Variants in DDX18 observed in about 807,000 individuals in gnomAD.
The protein encoded by DDX18 is ATP-dependent RNA helicase DDX18.
A neutral mutation model predicts 73.5 loss-of-function variants in DDX18; 23 were observed. That is an observed-to-expected ratio of 0.31 (90% CI 0.23 to 0.44). The LOEUF (loss-of-function observed/expected upper bound fraction) is 0.44, where lower values mean the gene tolerates loss of function less well. Among genes scored for constraint, DDX18 ranks in the 20% least tolerant of loss-of-function variants. The probability of loss-of-function intolerance (pLI) is 1.00; values close to 1 mark genes in which losing one functional copy is unlikely to be tolerated. For missense variants in DDX18, 753 were observed against 792.9 expected, an observed-to-expected ratio of 0.95 and a Z score of 0.60; for synonymous variants, 268 against 282.7, an observed-to-expected ratio of 0.95 and a Z score of 0.52.
At chr2:117,824,445 G>A (rs747435416) in intron 7 of DDX18, 124 bp from the exon 8 acceptor site, 7 of 922,432 alleles carry the variant, frequency 7.6e-6, no homozygotes, top group Non-Finnish European at 1.0e-5. Flanking sequence ...TGTAATATTT[G>A]TAGATTCTGT....
At position 117,819,674 on chromosome 2, in the gene DDX18, CAA is replaced by C. The variant is rs1679813072; in HGVS notation, c.398_399del (p.Lys133ArgfsTer4). 1 of 1,582,744 alleles carries C rather than the reference CAA, an allele frequency of 6.3e-7. No homozygotes were observed. Among genetic ancestry groups the C allele is most frequent in the Non-Finnish European group, 8.5e-7 (1 of 1,169,628 alleles). ...PDTKKAKTENKGKSEEESAET... is the reference protein window; with the variant it reads ...PDTKKAKTENXGKSEEESAET... ...ATACGAAAAAAGCAAAAACTGAAAA[CAA>C]AGGGAAATCTGAAGAAGAAAGTGCC... On this transcript the variant is annotated frameshift_variant, in exon 3 of 14. Coordinates refer to ENST00000263239, the MANE Select transcript of DDX18 (RefSeq NM_006773.4). LOFTEE classifies it high-confidence loss of function.
At chr2:117,820,290 C>T (rs942609444) in intron 3 of DDX18, among the ~76,000 whole-genome samples, 4 of 152,168 alleles carry the variant, frequency 2.6e-5, no homozygotes, top group South Asian at 2.1e-4. Context: ...AAATTGCAAA[C>T]GTTTTGGTAG....
In DDX18 at chr2:117,814,701, G is replaced by A; in HGVS notation, c.-77G>A. 2 of 1,463,716 alleles carry A rather than the reference G, an allele frequency of 1.4e-6. No individual in the cohort carries two copies. Among genetic ancestry groups the A allele is most frequent in the Non-Finnish European group, 1.9e-6 (2 of 1,059,860 alleles). 90.7% of individuals were successfully genotyped at this position (1,463,716 alleles called of 1,614,324 possible). The stretch of plus-strand genomic sequence containing the variant: ...TTGGCCGAGCTGCGCACGTGCGGCC[G>A]GAAGGGAAGTAACGTCAGCCTGAGA... On this transcript the variant is annotated 5_prime_UTR_variant, in exon 1 of 14. Transcript: ENST00000263239.
At chr2:117,824,761 G>A (rs1679897615) in intron 8 of DDX18, 53 bp downstream of exon 8, 2 of 1,474,170 alleles carry the variant, frequency 1.4e-6, no homozygotes, top group Non-Finnish European at 1.8e-6. Context: ...GTGTTTTTAT[G>A]TAATTGTTGG....
At chr2:117,828,243 A>G (rs1441326653) in intron 11 of DDX18, 1 of 152,248 alleles carries the variant, frequency 6.6e-6, no homozygotes, top group East Asian at 1.9e-4. Flanking sequence ...CAAAATTGAC[A>G]AATGGGATCT....
In DDX18 at chr2:117,826,265, A is replaced by G. The variant is rs1173684830; in HGVS notation, c.1522-4A>G. 7 of 1,611,800 alleles carry G rather than the reference A, an allele frequency of 4.3e-6. No individual in the cohort carries two copies. Among genetic ancestry groups the G allele is most frequent in the African/African-American group, 1.3e-5 (1 of 74,834 alleles). On this transcript the variant is annotated splice_polypyrimidine_tract_variant and splice_region_variant and intron_variant, in intron 10 of 13. Coordinates refer to ENST00000263239, the MANE Select transcript of DDX18 (RefSeq NM_006773.4). The stretch of plus-strand genomic sequence containing the variant: ...TTAACTCAGATTTTCTTTCTCCACC[A>G]AAGGAATATATTCATCGTGTGGGTA...
In DDX18 at chr2:117,821,676, G is replaced by T; in HGVS notation, c.677G>T (p.Gly226Val). ...GATCTTCTAGCAGCTGCAAAAACAG[G>T]CAGTGGTAAAACCCTGGCTTTTCTC... ...GRDLLAAAKTGSGKTLAFLIP... is the reference protein window; with the variant it reads ...GRDLLAAAKTVSGKTLAFLIP... Residue 226 changes from glycine (G) to valine (V), a missense_variant, in exon 5 of 14, where the codon GGC becomes GTC. Transcript: ENST00000263239. 1 of 1,613,930 alleles carries T rather than the reference G, an allele frequency of 6.2e-7. No individual in the cohort carries two copies. The highest frequency in any genetic ancestry group is 8.5e-7 in the Non-Finnish European group (1 of 1,179,906).
intron 3 of DDX18, 23 bp from the exon 4 acceptor site, chr2:117,821,138 A>T: frequency 4.6e-6 from 7 of 1,505,460 alleles, no homozygotes; most frequent in Non-Finnish European, 6.2e-6. Flanking sequence ...AAATTTGCTA[A>T]TGATAAATTG....
intron 11 of DDX18, chr2:117,828,037 T>C (rs1209407933): frequency 6.6e-6 from 1 of 152,230 alleles, no homozygotes; most frequent in Admixed American, 6.5e-5. Flanking sequence ...TGTGAGATGG[T>C]ATCTCACTGT....
chr2:117,820,211 G>A (rs1269364457), intron 3 of DDX18, among the ~76,000 whole-genome samples: 1 of 152,242 alleles, frequency 6.6e-6, no homozygotes, highest in African/African-American at 2.4e-5. Flanking sequence ...AGTTACTTGA[G>A]TTGTTTATTT....
intron 1 of DDX18, among the ~76,000 whole-genome samples, chr2:117,815,489 C>T (rs2104617918): frequency 6.6e-6 from 1 of 152,258 alleles, no homozygotes; most frequent in Admixed American, 6.5e-5. Context: ...GACAGTGGGG[C>T]CACAGATCTT....
At chr2:117,821,082 A>G in intron 3 of DDX18, 79 bp from the exon 4 acceptor site, 1 of 1,398,586 alleles carries the variant, frequency 7.2e-7, no homozygotes, top group Non-Finnish European at 9.5e-7. Context: ...TTTCTAAGCA[A>G]AATAGATTTA....
chr2:117,818,274 G>T (rs1679790727), intron 2 of DDX18, among the ~76,000 whole-genome samples: 1 of 152,058 alleles, frequency 6.6e-6, no homozygotes, highest in Non-Finnish European at 1.5e-5. Flanking sequence ...ATAAGATAGG[G>T]GTCAGCAAAC....
intron 8 of DDX18, 92 bp downstream of exon 8, chr2:117,824,800 A>G (rs1251786997): frequency 1.4e-6 from 2 of 1,477,168 alleles, no homozygotes; most frequent in African/African-American, 1.4e-5. Flanking sequence ...AAATGGGTTA[A>G]TGAACTTTTA....
At chr2:117,825,149 TC>T in intron 9 of DDX18, 48 bp downstream of exon 9, 1 of 1,571,108 alleles carries the variant, frequency 6.4e-7, no homozygotes, top group Non-Finnish European at 8.6e-7. Context: ...GCTTATTAAA[TC>T]CTATAGATTG....
intron 1 of DDX18, among the ~76,000 whole-genome samples, chr2:117,816,640 T>G (rs770951209): frequency 1.3e-5 from 2 of 152,192 alleles, no homozygotes; most frequent in Non-Finnish European, 2.9e-5. Context: ...AGGAGTAAAC[T>G]CTAAAATGAT....
intron 9 of DDX18, 93 bp downstream of exon 9, chr2:117,825,194 T>C (rs776358101): frequency 5.5e-6 from 8 of 1,462,352 alleles, no homozygotes; most frequent in African/African-American, 1.4e-5. Context: ...CCTGGAAACA[T>C]TGTTCTGAGT....
At chr2:117,827,278 C>T (rs186930531) in intron 11 of DDX18, 1 of 152,272 alleles carries the variant, frequency 6.6e-6, no homozygotes, top group African/African-American at 2.4e-5. Flanking sequence ...TCGCTGATCT[C>T]CTGCCTCCTT....
At chr2:117,823,168 C>T (rs1477840622) in intron 7 of DDX18, among the ~76,000 whole-genome samples, 2 of 152,232 alleles carry the variant, frequency 1.3e-5, no homozygotes, top group South Asian at 2.1e-4. Flanking sequence ...TTGTCCTTTG[C>T]TTTTCTATAT....
Sources: gnomAD v4.1 joint callset for allele counts (sites outside exome capture counted in the v4.1 genomes callset) on GRCh38, gnomAD v4.1.1 for gene constraint, MANE v1.5 for transcripts, NCBI Gene and HGNC (gene_info 2026-07-23, HGNC 2026-07-21) for gene names.